DNAJC5B: variants seen among roughly 807,000 people sequenced by gnomAD.
DNAJC5B encodes dnaJ homolog subfamily C member 5B.
In DNAJC5B, 23 loss-of-function variants were observed where a neutral mutation model predicts 24.7. The observed-to-expected ratio is 0.93, with a 90% CI of 0.67 to 1.32. The LOEUF (loss-of-function observed/expected upper bound fraction) is 1.32. DNAJC5B is among the 40% of genes most tolerant of loss of function. The pLI, the probability that DNAJC5B is intolerant of heterozygous loss-of-function variation, is 0.00. For missense variants in DNAJC5B, 238 were observed against 240.8 expected, an observed-to-expected ratio of 0.99 and a Z score of 0.08; for synonymous variants, 101 against 90.1, an observed-to-expected ratio of 1.12 and a Z score of -0.68.
chr8:66,027,871 A>G (rs1480451031), intron 1 of DNAJC5B, among the ~76,000 whole-genome samples: 4 of 152,160 alleles, frequency 2.6e-5, no homozygotes, highest in African/African-American at 9.7e-5. Context: ...TCCCGTTTGT[A>G]TTTTTGAAAA....
At chr8:66,091,691 A>G (rs988123774) in intron 5 of DNAJC5B, among the ~76,000 whole-genome samples, 1 of 152,214 alleles carries the variant, frequency 6.6e-6, no homozygotes, top group African/African-American at 2.4e-5. Context: ...AAGTGGAAGT[A>G]GCTGGAATCC....
chr8:66,072,636 T>A (rs1401701989), intron 3 of DNAJC5B, among the ~76,000 whole-genome samples: 1 of 152,124 alleles, frequency 6.6e-6, no homozygotes, highest in Non-Finnish European at 1.5e-5. Flanking sequence ...GAGGTATAAT[T>A]TAAAACAACT....
At chr8:66,059,872 C>A (rs1193813731) in intron 3 of DNAJC5B, among the ~76,000 whole-genome samples, 4 of 152,346 alleles carry the variant, frequency 2.6e-5, no homozygotes, top group South Asian at 2.1e-4. Flanking sequence ...ATCACCCTGC[C>A]AGGCACGGTA....
chr8:66,060,805 T>C (rs1807063905), intron 3 of DNAJC5B, among the ~76,000 whole-genome samples: 1 of 152,184 alleles, frequency 6.6e-6, no homozygotes, highest in Non-Finnish European at 1.5e-5. Context: ...GCAAGTCTGG[T>C]TCATTATTCA....
chr8:66,073,752 G>A (rs941186135), intron 3 of DNAJC5B, among the ~76,000 whole-genome samples: 1 of 152,072 alleles, frequency 6.6e-6, no homozygotes, highest in Non-Finnish European at 1.5e-5. Flanking sequence ...CTAATAAATG[G>A]TGCTACAAGA....
intron 5 of DNAJC5B, among the ~76,000 whole-genome samples, chr8:66,087,261 T>A (rs1807747251): frequency 6.6e-6 from 1 of 152,056 alleles, no homozygotes; most frequent in South Asian, 2.1e-4. Context: ...AACTTTCAGA[T>A]CTCATGAGAA....
At chr8:66,062,133 C>T (rs1807097124) in intron 3 of DNAJC5B, among the ~76,000 whole-genome samples, 1 of 152,238 alleles carries the variant, frequency 6.6e-6, no homozygotes, top group Non-Finnish European at 1.5e-5. Context: ...GTACTTTCAG[C>T]CCTAGCACCA....
At chr8:66,046,680 G>A (rs1806729704) in intron 2 of DNAJC5B, among the ~76,000 whole-genome samples, 1 of 152,224 alleles carries the variant, frequency 6.6e-6, no homozygotes, top group South Asian at 2.1e-4. Context: ...TATGCCCGCT[G>A]CCCCTCGGGG....
chr8:66,072,917 G>A (rs908381702), intron 3 of DNAJC5B, among the ~76,000 whole-genome samples: 1 of 151,606 alleles, frequency 6.6e-6, no homozygotes, highest in Non-Finnish European at 1.5e-5. Context: ...CTCCTCTATA[G>A]GTGCAGAAAT....
At chr8:66,082,908 G>A (rs755350017) in intron 5 of DNAJC5B, among the ~76,000 whole-genome samples, 8 of 151,488 alleles carry the variant, frequency 5.3e-5, no homozygotes, top group Non-Finnish European at 8.8e-5. Flanking sequence ...GCACAGCTCT[G>A]CAACACGCTT....
chr8:66,049,407 T>G (rs1806796882), intron 2 of DNAJC5B, among the ~76,000 whole-genome samples: 1 of 152,254 alleles, frequency 6.6e-6, no homozygotes, highest in Non-Finnish European at 1.5e-5. Context: ...CATATAGGTG[T>G]ACCAATTTTT....
chr8:66,091,332 C>G (rs1237905896), intron 5 of DNAJC5B, among the ~76,000 whole-genome samples: 1 of 152,122 alleles, frequency 6.6e-6, no homozygotes, highest in Admixed American at 6.5e-5. Context: ...GGGGCCTCAC[C>G]TGCGTGCAGG....
chr8:66,075,381 G>A (rs779466891), intron 3 of DNAJC5B, among the ~76,000 whole-genome samples: 1 of 152,062 alleles, frequency 6.6e-6, no homozygotes, highest in African/African-American at 2.4e-5. Context: ...ACCATGGGGG[G>A]GGAAATGCTG....
At chr8:66,046,510 T>C (rs897844988) in intron 2 of DNAJC5B, among the ~76,000 whole-genome samples, 6 of 152,196 alleles carry the variant, frequency 3.9e-5, no homozygotes, top group Non-Finnish European at 8.8e-5. Flanking sequence ...ATCTTAGAAA[T>C]GTCAAGTGTT....
intron 1 of DNAJC5B, among the ~76,000 whole-genome samples, chr8:66,037,220 A>G (rs1806507090): frequency 6.6e-6 from 1 of 152,052 alleles, no homozygotes; most frequent in African/African-American, 2.4e-5. Context: ...TGGGGTCTTG[A>G]ACAGTTTCCC....
chr8:66,100,726 C>T lies in DNAJC5B; in HGVS notation c.*695C>T, dbSNP rs967403461. Among the ~76,000 whole-genome samples the T allele has an allele frequency of 6.6e-6, 1 of 152,122 alleles. No homozygotes were observed. The highest frequency in any genetic ancestry group is 1.5e-5 in the Non-Finnish European group (1 of 68,042). ...AAATCATTCTGAGCCTGAACCCGCC[C>T]CATCAGCATGTTGATCATTTTCTAG... is the stretch of plus-strand genomic sequence containing the variant. On this transcript the variant is annotated 3_prime_UTR_variant, in exon 6 of 6. Transcript: ENST00000276570.
chr8:66,088,043 C>T (rs1378617117), intron 5 of DNAJC5B, among the ~76,000 whole-genome samples: 1 of 152,226 alleles, frequency 6.6e-6, no homozygotes, highest in African/African-American at 2.4e-5. Context: ...CAGAGGCTCT[C>T]CATGAGGGCT....
At chr8:66,028,307 G>A (rs1341581366) in intron 1 of DNAJC5B, among the ~76,000 whole-genome samples, 2 of 152,130 alleles carry the variant, frequency 1.3e-5, no homozygotes, top group African/African-American at 2.4e-5. Flanking sequence ...ACTCATTCTT[G>A]GCGTGCAAAG....
chr8:66,078,879 G>A (rs566674009), intron 4 of DNAJC5B, among the ~76,000 whole-genome samples: 6 of 152,260 alleles, frequency 3.9e-5, no homozygotes, highest in African/African-American at 1.4e-4. Flanking sequence ...GGCAGGTGAG[G>A]GCTGTCAACA....
Sources: gnomAD v4.1 joint callset for allele counts (sites outside exome capture counted in the v4.1 genomes callset) on GRCh38, gnomAD v4.1.1 for gene constraint, MANE v1.5 for transcripts, NCBI Gene and HGNC (gene_info 2026-07-23, HGNC 2026-07-21) for gene names.